Variants in PTPRD observed in about 807,000 individuals in gnomAD.
PTPRD encodes the protein receptor-type tyrosine-protein phosphatase delta.
PTPRD carries 34 observed loss-of-function variants against 214.5 expected under a neutral mutation model. The observed-to-expected ratio is 0.16, with a 90% CI of 0.12 to 0.21. The LOEUF (loss-of-function observed/expected upper bound fraction) is 0.21, where lower values mean the gene tolerates loss of function less well. Among genes scored for constraint, PTPRD ranks in the 10% least tolerant of loss-of-function variants. PTPRD has a pLI of 1.00. For missense variants in PTPRD, 2,545 were observed against 2,398.7 expected, an observed-to-expected ratio of 1.06 and a Z score of -1.27; for synonymous variants, 1,128 against 845.7, an observed-to-expected ratio of 1.33 and a Z score of -5.79.
intron 8 of PTPRD, among the ~76,000 whole-genome samples, chr9:9,452,303 C>T (rs577362323): frequency 6.6e-6 from 1 of 151,392 alleles, no homozygotes; most frequent in Non-Finnish European, 1.5e-5. Context: ...GAATTCTATA[C>T]TCATTAAAAA....
intron 9 of PTPRD, among the ~76,000 whole-genome samples, chr9:9,239,864 A>G (rs534200097): frequency 6.6e-6 from 1 of 152,286 alleles, no homozygotes; most frequent in African/African-American, 2.4e-5. Flanking sequence ...TCAAAGATCC[A>G]GATGTGCTCT....
chr9:9,424,818 C>T (rs1036563002), intron 8 of PTPRD, among the ~76,000 whole-genome samples: 5 of 152,060 alleles, frequency 3.3e-5, no homozygotes, highest in Non-Finnish European at 5.9e-5. Flanking sequence ...AAAAATAAAT[C>T]ATTTAGAAAA....
At chr9:10,390,871 G>C (rs1364608819) in intron 2 of PTPRD, among the ~76,000 whole-genome samples, 1 of 151,722 alleles carries the variant, frequency 6.6e-6, no homozygotes, top group Non-Finnish European at 1.5e-5. Context: ...AGGCTTTTGG[G>C]CTTAAAATAG....
intron 2 of PTPRD, among the ~76,000 whole-genome samples, chr9:10,435,041 A>G (rs2098708356): frequency 6.6e-6 from 1 of 151,890 alleles, no homozygotes; most frequent in Admixed American, 6.6e-5. Context: ...GAATTTTTCA[A>G]TTTTATTTGA....
intron 39 of PTPRD, among the ~76,000 whole-genome samples, chr9:8,342,483 G>T (rs1417216108): frequency 6.6e-6 from 1 of 152,018 alleles, no homozygotes; most frequent in African/African-American, 2.4e-5. Flanking sequence ...TCAGGCTGAG[G>T]ACATTTATGT....
At chr9:9,384,205 G>A (rs546394951) in intron 9 of PTPRD, among the ~76,000 whole-genome samples, 21 of 151,344 alleles carry the variant, frequency 1.4e-4, no homozygotes, top group African/African-American at 5.1e-4. Flanking sequence ...TGAACTAGTA[G>A]GTATAGAAGA....
chr9:8,964,520 T>C (rs1221527400), intron 11 of PTPRD, among the ~76,000 whole-genome samples: 2 of 152,038 alleles, frequency 1.3e-5, no homozygotes, highest in African/African-American at 4.8e-5. Flanking sequence ...TTGGTTTCAT[T>C]GATTCTTTTT....
At position 8,934,055 on chromosome 9, in the gene PTPRD, C is replaced by T. The variant is rs192934912; in HGVS notation, c.-104+84642G>A. 3.8e-4 allele frequency among the ~76,000 whole-genome samples: 58 copies of T among 152,126 alleles called. 1 individual carries two copies. Among genetic ancestry groups the T allele is most frequent in the African/African-American group, 1.2e-3 (51 of 41,506 alleles). The stretch of plus-strand genomic sequence containing the variant: ...AGGTAACTAATTCTATTCCTCAGGA[C>T]TCTTTTGGCCTCAGTCACCATCTAG... On this transcript the variant is annotated intron_variant, in intron 11 of 45. Transcript: ENST00000381196.
chr9:9,893,823 T>C (rs2074150760), intron 5 of PTPRD, among the ~76,000 whole-genome samples: 1 of 152,002 alleles, frequency 6.6e-6, no homozygotes, highest in African/African-American at 2.4e-5. Context: ...TCCTTTTATG[T>C]TTTGAGTTTT....
chr9:9,407,993 G>C (rs780817118), intron 8 of PTPRD, among the ~76,000 whole-genome samples: 1 of 151,762 alleles, frequency 6.6e-6, no homozygotes, highest in African/African-American at 2.4e-5. Flanking sequence ...TAAGAACAGG[G>C]AGGCAATCTG....
At chr9:9,435,355 C>T (rs2084816392) in intron 8 of PTPRD, among the ~76,000 whole-genome samples, 1 of 144,514 alleles carries the variant, frequency 6.9e-6, no homozygotes, top group Non-Finnish European at 1.5e-5. Flanking sequence ...CCCCACCCAT[C>T]TCTACAAAAA....
chr9:10,206,445 C>T (rs1427662917), intron 3 of PTPRD, among the ~76,000 whole-genome samples: 1 of 152,138 alleles, frequency 6.6e-6, no homozygotes, highest in Non-Finnish European at 1.5e-5. Flanking sequence ...CATTATATAT[C>T]AGGCTATTGA....
chr9:9,936,553 A>G (rs2089500976), intron 5 of PTPRD, among the ~76,000 whole-genome samples: 2 of 139,210 alleles, frequency 1.4e-5, no homozygotes, highest in African/African-American at 3.0e-5. Context: ...TAGAATGGCG[A>G]TCATTAAAAA....
intron 7 of PTPRD, among the ~76,000 whole-genome samples, chr9:9,690,860 C>T (rs950735288): frequency 1.4e-5 from 2 of 140,944 alleles, no homozygotes; most frequent in Non-Finnish European, 3.1e-5. Context: ...GTTTTGGTTA[C>T]TATGGCTTTG....
intron 2 of PTPRD, among the ~76,000 whole-genome samples, chr9:10,521,748 G>A (rs918760315): frequency 2.6e-5 from 4 of 152,128 alleles, no homozygotes; most frequent in Admixed American, 2.6e-4. Context: ...ATGACCGACT[G>A]ATGGGATAGA....
chr9:10,406,828 T>C (rs988657587), intron 2 of PTPRD, among the ~76,000 whole-genome samples: 15 of 151,492 alleles, frequency 9.9e-5, no homozygotes, highest in African/African-American at 3.4e-4. Context: ...ACTAAAGATG[T>C]TCATAGAGTC....
intron 7 of PTPRD, among the ~76,000 whole-genome samples, chr9:9,619,567 T>A (rs2095109693): frequency 6.8e-6 from 1 of 146,374 alleles, no homozygotes; most frequent in Non-Finnish European, 1.5e-5. Flanking sequence ...ATCTAATATG[T>A]CTAGATTAAT....
intron 8 of PTPRD, chr9:9,442,229 C>T (rs1448674648): frequency 1.3e-5 from 2 of 152,164 alleles, no homozygotes; most frequent in Non-Finnish European, 2.9e-5. Flanking sequence ...ACCAGGTTGC[C>T]TAAGGAGGGG....
At chr9:8,402,557 C>T (rs1036070936) in intron 36 of PTPRD, among the ~76,000 whole-genome samples, 1 of 152,118 alleles carries the variant, frequency 6.6e-6, no homozygotes, top group African/African-American at 2.4e-5. Context: ...AGATTCTCAA[C>T]TTACATTCAT....
Sources: allele counts gnomAD v4.1 joint callset (sites outside exome capture counted in the v4.1 genomes callset), GRCh38; gene constraint gnomAD v4.1.1; transcripts MANE v1.5; gene names NCBI Gene and HGNC (gene_info 2026-07-23, HGNC 2026-07-21).